The following ZNF595 variants were observed in gnomAD, a reference collection of about 807,000 sequenced individuals.
The protein encoded by ZNF595 is zinc finger protein 595.
A neutral mutation model predicts 19.4 loss-of-function variants in ZNF595; 9 were observed. That is an observed-to-expected ratio of 0.46 (90% confidence interval 0.28 to 0.81). The LOEUF (loss-of-function observed/expected upper bound fraction) is 0.81, where lower values mean the gene tolerates loss of function less well. ZNF595 is among the 30% of genes least tolerant of loss of function. The pLI, the probability that ZNF595 is intolerant of heterozygous loss-of-function variation, is 0.11. For missense variants in ZNF595, 729 were observed against 736.0 expected (o/e 0.99, Z 0.11); for synonymous variants, 255 against 255.9 (o/e 1.00, Z 0.03).
intron 3 of ZNF595, among the ~76,000 whole-genome samples, chr4:61,274 G>A (rs1484918465): frequency 6.6e-6 from 1 of 152,264 alleles, no homozygotes; most frequent in Non-Finnish European, 1.5e-5. Context: ...GGGTTCAAAT[G>A]GTTCTTCTGC....
intron 3 of ZNF595, among the ~76,000 whole-genome samples, chr4:72,530 A>T (rs140973611): frequency 6.6e-6 from 1 of 152,252 alleles, no homozygotes; most frequent in African/African-American, 2.4e-5. Context: ...CTACTCTGTT[A>T]TCCTGTTATC....
chr4:78,563 A>G (rs1324033861), intron 3 of ZNF595, among the ~76,000 whole-genome samples: 1 of 152,210 alleles, frequency 6.6e-6, no homozygotes, highest in Non-Finnish European at 1.5e-5. Flanking sequence ...TGAGTAATCA[A>G]AGAAACTGTA....
chr4:80,867 G>T (rs1553799762), intron 3 of ZNF595, among the ~76,000 whole-genome samples: 2 of 151,204 alleles, frequency 1.3e-5, no homozygotes, highest in African/African-American at 2.4e-5. Context: ...AGAATGTGCA[G>T]GTTTGTTACA....
chr4:63,707 A>AT (rs1361052526), intron 3 of ZNF595, among the ~76,000 whole-genome samples: 1 of 152,260 alleles, frequency 6.6e-6, no homozygotes, highest in Non-Finnish European at 1.5e-5. Flanking sequence ...TGCCTGGCTA[A>AT]TTTTTTTGTA....
chr4:74,544 G>A (rs1319400745), intron 3 of ZNF595, among the ~76,000 whole-genome samples: 2 of 152,200 alleles, frequency 1.3e-5, no homozygotes, highest in Non-Finnish European at 2.9e-5. Context: ...TCTGTGGCAG[G>A]AAGTCCTGGA....
intron 3 of ZNF595, among the ~76,000 whole-genome samples, chr4:82,171 A>G (rs892853721): frequency 1.3e-5 from 2 of 152,018 alleles, no homozygotes; most frequent in African/African-American, 4.8e-5. Context: ...GGGGTGCTTC[A>G]TTGTCCCTTG....
intron 3 of ZNF595, among the ~76,000 whole-genome samples, chr4:77,124 A>G (rs1465554669): frequency 6.8e-6 from 1 of 147,816 alleles, no homozygotes; most frequent in African/African-American, 2.5e-5. Flanking sequence ...TGCTTTATTC[A>G]CTCTTTCATT....
rs546132254 is a variant in ZNF595 at position 78,274 on chromosome 4, C to T, written c.227-7457C>T. ...CCACCCACCTGGGCCTCCCAGAGTC[C>T]TCAGATTACAGGCGTGAGCCACCGC... On this transcript the variant is annotated intron_variant, in intron 3 of 3. Transcript: ENST00000610261. 2.6e-5 allele frequency among the ~76,000 whole-genome samples: 4 copies of T among 152,306 alleles called. No homozygotes were observed. In the South Asian group the frequency reaches 8.3e-4, roughly 32 times the overall value.
At chr4:67,904 TGAGG>T in intron 3 of ZNF595, 3 of 533,032 alleles carry the variant, frequency 5.6e-6, no homozygotes, top group African/African-American at 3.9e-5. Context: ...TTTTTTTTTT[TGAGG>T]CGGAGTGGAG....
In ZNF595 at chr4:73,736, A is replaced by G. The variant is rs556133236; in HGVS notation, c.227-11995A>G. On this transcript the variant is annotated intron_variant, in intron 3 of 3. Transcript: ENST00000610261. ...TATTAGTAATCTGGTAAACATAGGT[A>G]AAGTTTTTTCATTAAGTTCTGTGAG... Among the ~76,000 whole-genome samples the G allele has an allele frequency of 5.9e-5, 9 of 152,300 alleles. No individual in the cohort carries two copies. In the South Asian group the frequency reaches 8.3e-4, roughly 14 times the overall value.
intron 3 of ZNF595, among the ~76,000 whole-genome samples, chr4:79,818 C>A (rs1208012121): frequency 6.7e-6 from 1 of 150,300 alleles, no homozygotes; most frequent in Non-Finnish European, 1.5e-5. Flanking sequence ...TTTCATTGAT[C>A]CTGTAGTATA....
intron 3 of ZNF595, among the ~76,000 whole-genome samples, chr4:71,232 T>C (rs1713419445): frequency 6.6e-6 from 1 of 152,232 alleles, no homozygotes; most frequent in South Asian, 2.1e-4. Flanking sequence ...TCTAGTTAAT[T>C]AGGTTTTTTT....
chr4:87,594 A>T lies in ZNF595; in HGVS notation c.*143A>T. 1.5e-6 allele frequency: 1 copy of T among 666,420 alleles called. No homozygotes were observed. Among genetic ancestry groups the T allele is most frequent in the East Asian group, 3.0e-5 (1 of 33,398 alleles). 41.3% of individuals were successfully genotyped at this position (666,420 alleles called of 1,614,324 possible). On this transcript the variant is annotated 3_prime_UTR_variant, in exon 4 of 4. Transcript: ENST00000610261. The stretch of plus-strand genomic sequence containing the variant: ...AGGTACATAGTATGTGTATCTATTC[A>T]TGGCTTATTTGGATTATTTTGATAC...
At chr4:78,283 C>T (rs531981066) in intron 3 of ZNF595, among the ~76,000 whole-genome samples, 1 of 152,338 alleles carries the variant, frequency 6.6e-6, no homozygotes, top group Non-Finnish European at 1.5e-5. Context: ...CCTCAGATTA[C>T]AGGCGTGAGC....
Position 86,389 on chromosome 4 carries a change from G to C in ZNF595, c.885G>C (p.Trp295Cys). Residue 295 changes from tryptophan (W) to cysteine (C), a missense_variant, in exon 4 of 4, where the codon TGG becomes TGC. Coordinates refer to ENST00000610261, the MANE Select transcript of ZNF595 (RefSeq NM_182524.4). ...KCKECGKAFR[W>C]STSLNEHKNI... Reference sequence around the variant, plus strand: ...AAGAATGTGGCAAAGCCTTTAGATGGTCCACAAGCCTGAATGAACATAAGA... The same window carrying C: ...AAGAATGTGGCAAAGCCTTTAGATGCTCCACAAGCCTGAATGAACATAAGA... 6.2e-7 allele frequency: 1 copy of C among 1,613,166 alleles called. No homozygotes were observed. The highest frequency in any genetic ancestry group is 8.5e-7 in the Non-Finnish European group (1 of 1,179,562).
At chr4:75,020 T>C (rs1406163639) in intron 3 of ZNF595, among the ~76,000 whole-genome samples, 1 of 152,196 alleles carries the variant, frequency 6.6e-6, no homozygotes, top group African/African-American at 2.4e-5. Context: ...AAGATCTTTT[T>C]TTCATGACAG....
chr4:85,888 A>G lies in ZNF595; in HGVS notation c.384A>G (p.Gly128=), dbSNP rs1714119525. The G allele has an allele frequency of 1.2e-6, 2 of 1,614,078 alleles. No individual in the cohort carries two copies. The highest frequency in any genetic ancestry group is 1.7e-6 in the Non-Finnish European group (2 of 1,179,978). The change falls in exon 4 of 4, where the codon GGA becomes GGG. Residue 128 remains glycine, a synonymous_variant. Coordinates refer to ENST00000610261, the MANE Select transcript of ZNF595 (RefSeq NM_182524.4). ...TGAATGAGTGTAAGGTGCAGAAAGG[A>G]GTTAATAATGGAGTTTACCAGTGCT... ...KRVNECKVQK[G]VNNGVYQCLS... is the part of the protein sequence containing the mutation.
At position 87,172 on chromosome 4, in the gene ZNF595, A is replaced by G; in HGVS notation, c.1668A>G (p.Lys556=). 1 of 1,613,840 alleles carries G rather than the reference A, an allele frequency of 6.2e-7. No individual in the cohort carries two copies. Residue 556 remains lysine, a synonymous_variant, in exon 4 of 4, where the codon AAA becomes AAG. Transcript: ENST00000610261. ...TRSTALNEHK[K]IHSGEKPYKC... is the part of the protein sequence containing the mutation. ...CCACAGCCCTGAATGAACATAAGAA[A>G]ATTCATTCTGGAGAGAAACCCTACA...
intron 1 of ZNF595, among the ~76,000 whole-genome samples, chr4:57,478 C>CCCATAATAATGACAGAAGAGAAGTCATT (rs1581361841): frequency 2.0e-5 from 3 of 151,130 alleles, no homozygotes; most frequent in Admixed American, 6.6e-5. Context: ...GGCATCAGCC[C>CCCATAATAATGACAGAAGAGAAGTCATT]AGGGTCACTG....
Sources: gnomAD v4.1 joint callset for allele counts (sites outside exome capture counted in the v4.1 genomes callset) on GRCh38, gnomAD v4.1.1 for gene constraint, MANE v1.5 for transcripts, NCBI Gene and HGNC (gene_info 2026-07-23, HGNC 2026-07-21) for gene names.